The following MAPKBP1 variants were observed in gnomAD, a reference collection of about 807,000 sequenced individuals.
MAPKBP1 encodes the protein mitogen-activated protein kinase binding protein 1.
MAPKBP1 carries 71 observed loss-of-function variants against 170.5 expected under a neutral mutation model. The ratio of observed to expected loss-of-function variants is 0.42; its 90% CI spans 0.34 to 0.51. The LOEUF is 0.51. Ranked by LOEUF, MAPKBP1 falls within the 20% of genes least tolerant of loss-of-function variation. The pLI, the probability that MAPKBP1 is intolerant of heterozygous loss-of-function variation, is 0.06. For missense variants in MAPKBP1, 1,598 were observed against 1,933.0 expected (o/e 0.83, Z 3.25); for synonymous variants, 719 against 757.9 (o/e 0.95, Z 0.84).
chr15:41,817,467 G>T lies in MAPKBP1; in HGVS notation c.1782+9G>T. 6.2e-7 allele frequency: 1 copy of T among 1,613,752 alleles called. No individual in the cohort carries two copies. Among genetic ancestry groups the T allele is most frequent in the Non-Finnish European group, 8.5e-7 (1 of 1,179,680 alleles). ...TCCGCACTGCGCAGAAGGTGAGGGC[G>T]CTGGGCTTTCCTGAGAGGGGCGGGA... On this transcript the variant is annotated intron_variant, in intron 15 of 30. Transcript: ENST00000457542. The surrounding 1 kb of genome is among the most constrained non-coding windows in gnomAD (Gnocchi z 4.2).
chr15:41,783,791 C>G (rs889362647), intron 2 of MAPKBP1, among the ~76,000 whole-genome samples: 1 of 152,136 alleles, frequency 6.6e-6, no homozygotes, highest in Non-Finnish European at 1.5e-5. Context: ...GGGTGGATCA[C>G]GAGATCAGGA....
intron 3 of MAPKBP1, among the ~76,000 whole-genome samples, chr15:41,802,855 C>T (rs1050337317): frequency 6.6e-6 from 1 of 152,160 alleles, no homozygotes; most frequent in African/African-American, 2.4e-5. Flanking sequence ...AACAAAGACA[C>T]AAACACACAC....
chr15:41,806,938 A>G (rs1202615436), intron 3 of MAPKBP1, among the ~76,000 whole-genome samples: 2 of 152,330 alleles, frequency 1.3e-5, no homozygotes, highest in Non-Finnish European at 2.9e-5. Flanking sequence ...AGCCCTGGCT[A>G]TGCTGCTCTC....
At position 41,821,729 on chromosome 15, in the gene MAPKBP1, A is replaced by T. The variant is rs2065000966; in HGVS notation, c.2864A>T (p.Asp955Val). 2.5e-6 allele frequency: 4 copies of T among 1,614,060 alleles called. No individual in the cohort carries two copies. Among genetic ancestry groups the T allele is most frequent in the Non-Finnish European group, 3.4e-6 (4 of 1,180,004 alleles). ...GGTATTGTCTACCCGGAGCCGAGTG[A>T]CAACCCCACCATGGATACCAGGCAA... ...EDGIVYPEPS[D>V]NPTMDTSEFQ... The change falls in exon 24 of 31, where the codon GAC becomes GTC. Residue 955 changes from aspartate (D) to valine (V), a missense_variant. Physicochemically the swap from Asp to Val is radical, Grantham distance 152. Around this residue, in one of 6 missense-constraint regions of MAPKBP1, gnomAD observed 942 missense variants for 953.2 expected, o/e 0.99. Transcript: ENST00000457542.
At chr15:41,820,760 G>T in intron 22 of MAPKBP1, 72 bp from the exon 23 acceptor site, 1 of 1,099,064 alleles carries the variant, frequency 9.1e-7, no homozygotes. Context: ...ACATAGTAAG[G>T]GATATGTGGA....
chr15:41,791,646 C>T (rs886713636), intron 2 of MAPKBP1, among the ~76,000 whole-genome samples: 1 of 152,196 alleles, frequency 6.6e-6, no homozygotes, highest in African/African-American at 2.4e-5. Context: ...GGATCTTATG[C>T]TGTGCCACCT....
chr15:41,823,720 T>G lies in MAPKBP1; in HGVS notation c.3872T>G (p.Val1291Gly), dbSNP rs775032691. The change falls in exon 29 of 31, where the codon GTC becomes GGC. Residue 1291 changes from valine (V) to glycine (G), a missense_variant. Transcript: ENST00000457542. ...KLALPSRAHLVLDIPKPLPDR... is the reference protein window; with the variant it reads ...KLALPSRAHLGLDIPKPLPDR... ...GCCCTGCCCAGCCGGGCTCACCTGG[T>G]CCTGGACATCCCCAAACCACTGCCT... The G allele has an allele frequency of 6.2e-7, 1 of 1,614,122 alleles. No homozygotes were observed. The highest frequency in any genetic ancestry group is 8.5e-7 in the Non-Finnish European group (1 of 1,180,014).
chr15:41,827,299 C>CA lies in MAPKBP1; in HGVS notation c.*1875dup, dbSNP rs11449239. ...TAGGTGACAAAGCTACACGCCATCTCAAAAAAAAAAAAGAAAAAGGGTTAC... is the reference window on the plus strand; with the variant it reads ...TAGGTGACAAAGCTACACGCCATCTCAAAAAAAAAAAAAGAAAAAGGGTTAC... On this transcript the variant is annotated 3_prime_UTR_variant, in exon 31 of 31. Coordinates refer to ENST00000457542, the MANE Select transcript of MAPKBP1 (RefSeq NM_014994.3). The CA allele has an allele frequency of 0.31, 43,774 of 142,426 alleles. 6,925 individuals are homozygous for CA. Among genetic ancestry groups the CA allele is most frequent in the Admixed American group, 0.38 (5,465 of 14,506 alleles). The allele number at this position is 142,426 out of a possible 1,614,324, so 8.8% of individuals were successfully genotyped here. A position where few individuals can be genotyped will look rare whatever the true frequency, so the allele number is the denominator to read the frequency against.
chr15:41,785,790 G>A (rs898408331), intron 2 of MAPKBP1, among the ~76,000 whole-genome samples: 3 of 152,104 alleles, frequency 2.0e-5, no homozygotes, highest in African/African-American at 7.2e-5. Flanking sequence ...CACTACTGGT[G>A]AAAACATACA....
intron 3 of MAPKBP1, among the ~76,000 whole-genome samples, chr15:41,807,974 G>C (rs1010451537): frequency 1.3e-5 from 2 of 151,518 alleles, no homozygotes; most frequent in African/African-American, 4.9e-5. Context: ...GGGAGGTGGA[G>C]GTTGCAGTGA....
chr15:41,824,195 G>A (rs1042881143), intron 29 of MAPKBP1, 134 bp downstream of exon 29: 3 of 1,249,006 alleles, frequency 2.4e-6, no homozygotes, highest in Non-Finnish European at 3.3e-6. Context: ...CCTGTCGCAG[G>A]TCCGTAAGTC....
chr15:41,804,224 C>G (rs17678767), intron 3 of MAPKBP1, among the ~76,000 whole-genome samples: 42,551 of 152,184 alleles, frequency 0.28, 7,062 homozygotes, highest in Admixed American at 0.36. Context: ...TTATGGGCAG[C>G]TCAGTCTGTG....
Position 41,818,298 on chromosome 15 carries a change from C to T in MAPKBP1, c.2085C>T (p.Gly695=). 4 of 1,613,416 alleles carry T rather than the reference C, an allele frequency of 2.5e-6. No homozygotes were observed. The highest frequency in any genetic ancestry group is 3.4e-6 in the Non-Finnish European group (4 of 1,179,394). The change falls in exon 18 of 31, where the codon GGC becomes GGT. Residue 695 remains glycine, a synonymous_variant. Transcript: ENST00000457542. The surrounding 1 kb of genome is among the most constrained non-coding windows in gnomAD (Gnocchi z 5.2). ...GCGAGTGCGTGGCCACCATGTTTGG[C>T]CACTCAGGTGAGTGTAGCCTGAATC... ...SSGECVATMF[G]HSEIVTGMKF... is the part of the protein sequence containing the mutation.
rs1411074094 is a variant in MAPKBP1, at chr15:41,812,081, CTG to C, written c.455_456del (p.Val152GlyfsTer5). The C allele has an allele frequency of 6.2e-7, 1 of 1,614,120 alleles. No individual in the cohort carries two copies. The highest frequency in any genetic ancestry group is 8.5e-7 in the Non-Finnish European group (1 of 1,180,034). ...TCTCCTAGCGCCAAGTACATTGTCT[CTG>C]TGGGCTACCAGCATGACATGATCGT... is the stretch of plus-strand genomic sequence containing the variant. On this transcript the variant is annotated frameshift_variant, in exon 6 of 31. Coordinates refer to ENST00000457542, the MANE Select transcript of MAPKBP1 (RefSeq NM_014994.3). LOFTEE classifies it high-confidence loss of function.
chr15:41,825,787 G>C lies in MAPKBP1; in HGVS notation c.*351G>C. ...TAGAAGCCATTTGAAATTACTGCAG[G>C]GATTAGCTCCCTGTGGTGGAGCATA... On this transcript the variant is annotated 3_prime_UTR_variant, in exon 31 of 31. Transcript: ENST00000457542. 4.7e-6 allele frequency: 1 copy of C among 211,930 alleles called. No homozygotes were observed. Among genetic ancestry groups the C allele is most frequent in the Non-Finnish European group, 9.5e-6 (1 of 105,370 alleles). The allele number at this position is 211,930 out of a possible 1,614,324, so 13.1% of individuals were successfully genotyped here.
chr15:41,800,000 A>G (rs1009754981), intron 3 of MAPKBP1, 86 bp downstream of exon 3: 12 of 1,104,602 alleles, frequency 1.1e-5, no homozygotes, highest in East Asian at 7.1e-5. Context: ...ATTTTCTGGT[A>G]TCTTCTGGAA....
chr15:41,818,407 C>T lies in MAPKBP1; in HGVS notation c.2092+102C>T, dbSNP rs1370055375. On this transcript the variant is annotated intron_variant, in intron 18 of 30. Transcript: ENST00000457542. The surrounding 1 kb of genome is among the most constrained non-coding windows in gnomAD (Gnocchi z 5.2). Reference sequence around the variant, plus strand: ...TCTTCTATTAGTTTCTTGGGACCCGCAGAGCTACCTATCCCTACCCTGCAG... The same window carrying T: ...TCTTCTATTAGTTTCTTGGGACCCGTAGAGCTACCTATCCCTACCCTGCAG... The T allele has an allele frequency of 7.2e-7, 1 of 1,396,090 alleles. No homozygotes were observed. The highest frequency in any genetic ancestry group is 1.0e-6 in the Non-Finnish European group (1 of 991,904). 86.5% of individuals were successfully genotyped at this position (1,396,090 alleles called of 1,614,324 possible).
At chr15:41,803,436 G>A (rs1460984095) in intron 3 of MAPKBP1, among the ~76,000 whole-genome samples, 1 of 50,170 alleles carries the variant, frequency 2.0e-5, no homozygotes, top group Non-Finnish European at 4.1e-5. Context: ...AAAAAAAAAA[G>A]GTTAAGCAGG....
intron 2 of MAPKBP1, among the ~76,000 whole-genome samples, chr15:41,779,654 C>T (rs1206879251): frequency 6.6e-6 from 1 of 152,214 alleles, no homozygotes; most frequent in Non-Finnish European, 1.5e-5. Flanking sequence ...CCCTGCCTTT[C>T]TGAGTAGCTG....
Sources: allele counts gnomAD v4.1 joint callset (sites outside exome capture counted in the v4.1 genomes callset), GRCh38; gene constraint gnomAD v4.1.1; regional missense constraint gnomAD v4.1.1; non-coding constraint Gnocchi (gnomAD v3.1); transcripts MANE v1.5; gene names NCBI Gene and HGNC (gene_info 2026-07-23, HGNC 2026-07-21).